NXPE2: variants seen among roughly 807,000 people sequenced by gnomAD.
NXPE2 encodes the protein NXPE family member 2.
NXPE2 carries 34 observed loss-of-function variants against 34.4 expected under a neutral mutation model. The observed-to-expected ratio is 0.99, with a 90% CI of 0.75 to 1.31. NXPE2 has a LOEUF of 1.31. Ranked by LOEUF, NXPE2 falls within the 40% of genes most tolerant of loss-of-function variation. The probability of loss-of-function intolerance (pLI) is 0.00; values close to 1 mark genes in which losing one functional copy is unlikely to be tolerated. For synonymous variants in NXPE2, 235 were observed against 231.3 expected (o/e 1.02, Z -0.15); for missense variants, 649 against 672.5 (o/e 0.97, Z 0.39).
chr11:114,479,983 T>C, the NXPE2 span, among the ~76,000 whole-genome samples: 1 of 152,094 alleles, frequency 6.6e-6, no homozygotes, highest in Non-Finnish European at 1.5e-5. Flanking sequence ...GACATCAGGC[T>C]TTTTAAAATA....
chr11:114,620,361 T>C, the NXPE2 span, among the ~76,000 whole-genome samples: 1 of 151,166 alleles, frequency 6.6e-6, no homozygotes, highest in African/African-American at 2.4e-5. Context: ...CTGTTACCGG[T>C]GGAAAATAAG....
intron 2 of NXPE2, among the ~76,000 whole-genome samples, chr11:114,695,950 G>A (rs568191540): frequency 2.6e-5 from 4 of 151,940 alleles, no homozygotes; most frequent in South Asian, 2.1e-4. Context: ...CCCGGGAGGC[G>A]GAGGTTGCAG....
At chr11:114,505,831 C>G in the NXPE2 span, among the ~76,000 whole-genome samples, 1 of 152,084 alleles carries the variant, frequency 6.6e-6, no homozygotes, top group East Asian at 1.9e-4. Context: ...GTGAAATAAC[C>G]AGCCAACATC....
chr11:114,502,530 T>C, the NXPE2 span, among the ~76,000 whole-genome samples: 4 of 152,216 alleles, frequency 2.6e-5, no homozygotes, highest in South Asian at 8.3e-4. Context: ...TGAGACTTTA[T>C]AATATTACTG....
rs1263507663 is a variant in NXPE2 at position 114,678,597 on chromosome 11, C to T, written c.22C>T (p.His8Tyr). Residue 8 changes from histidine to tyrosine, a missense_variant, in exon 1 of 6, where the codon CAT becomes TAT. Coordinates refer to ENST00000389586, the MANE Select transcript of NXPE2 (RefSeq NM_182495.6). MVEKILI[H>Y]RILTLFPNAI... is the part of the protein sequence containing the mutation. ...GAAGATGGTGGAGAAAATACTCATC[C>T]ATAGGTGTGGTACTTTCCAACTCTT... The T allele has an allele frequency of 1.9e-6, 3 of 1,548,536 alleles. No individual in the cohort carries two copies. Among genetic ancestry groups the T allele is most frequent in the East Asian group, 2.4e-5 (1 of 41,032 alleles).
At chr11:114,535,653 C>CT in the NXPE2 span, among the ~76,000 whole-genome samples, 1 of 152,006 alleles carries the variant, frequency 6.6e-6, no homozygotes, top group African/African-American at 2.4e-5. Flanking sequence ...ATAAAACAGA[C>CT]TTAAACCAAC....
chr11:114,807,856 A>G, the NXPE2 span, among the ~76,000 whole-genome samples: 11 of 152,146 alleles, frequency 7.2e-5, 1 homozygote. Flanking sequence ...ATAGACATCT[A>G]CAGACCTCTC....
the NXPE2 span, among the ~76,000 whole-genome samples, chr11:114,773,353 G>A: frequency 2.9e-5 from 4 of 139,462 alleles, no homozygotes; most frequent in Non-Finnish European, 4.5e-5. Flanking sequence ...AACTCAAACA[G>A]CTGTGTCTTT....
At chr11:114,767,816 C>T in the NXPE2 span, among the ~76,000 whole-genome samples, 2 of 152,112 alleles carry the variant, frequency 1.3e-5, no homozygotes, top group Non-Finnish European at 2.9e-5. Context: ...TCTCCAATGT[C>T]CTCAAAAGCA....
chr11:114,768,363 C>A, the NXPE2 span, among the ~76,000 whole-genome samples: 1 of 152,032 alleles, frequency 6.6e-6, no homozygotes, highest in African/African-American at 2.4e-5. Flanking sequence ...CAGCTTTGTT[C>A]TTTTTGTTTA....
chr11:114,689,299 T>A (rs1487257610), intron 2 of NXPE2, among the ~76,000 whole-genome samples: 1 of 152,086 alleles, frequency 6.6e-6, no homozygotes, highest in Non-Finnish European at 1.5e-5. Context: ...TATTTTCATT[T>A]GTTTCAATTT....
intron 2 of NXPE2, among the ~76,000 whole-genome samples, chr11:114,688,962 G>T (rs193286291): frequency 6.6e-6 from 1 of 152,036 alleles, no homozygotes; most frequent in African/African-American, 2.4e-5. Context: ...TTCTGATTGT[G>T]CTTATTTGGA....
chr11:114,737,675 C>G, the NXPE2 span, among the ~76,000 whole-genome samples: 1 of 152,130 alleles, frequency 6.6e-6, no homozygotes, highest in Admixed American at 6.5e-5. Flanking sequence ...GAGCAGTGAA[C>G]TGGGACACAA....
At chr11:114,639,267 G>C in the NXPE2 span, among the ~76,000 whole-genome samples, 5 of 152,030 alleles carry the variant, frequency 3.3e-5, no homozygotes, top group Non-Finnish European at 7.4e-5. Context: ...AGGACCCTCC[G>C]AGCCAGGTGC....
the NXPE2 span, among the ~76,000 whole-genome samples, chr11:114,537,709 G>T: frequency 1.3e-5 from 2 of 151,972 alleles, no homozygotes; most frequent in Non-Finnish European, 2.9e-5. Flanking sequence ...AAATACCTAG[G>T]AATCCAACTT....
the NXPE2 span, among the ~76,000 whole-genome samples, chr11:114,610,972 C>A: frequency 6.6e-6 from 1 of 151,666 alleles, no homozygotes; most frequent in Admixed American, 6.6e-5. Context: ...AGTGTTGCCT[C>A]GTGGGTAACC....
At chr11:114,629,077 G>A in the NXPE2 span, among the ~76,000 whole-genome samples, 2 of 152,102 alleles carry the variant, frequency 1.3e-5, no homozygotes, top group Non-Finnish European at 2.9e-5. Context: ...ATTCACAGTC[G>A]AATTCTACCA....
chr11:114,500,922 T>G, the NXPE2 span, among the ~76,000 whole-genome samples: 1 of 152,172 alleles, frequency 6.6e-6, no homozygotes, highest in Non-Finnish European at 1.5e-5. Context: ...GAAAATCAGT[T>G]GAGTGTGTTT....
At chr11:114,506,115 A>T in the NXPE2 span, among the ~76,000 whole-genome samples, 1 of 48,602 alleles carries the variant, frequency 2.1e-5, no homozygotes, top group African/African-American at 1.3e-4. Context: ...GAAATATTAA[A>T]AAAAAAAAAA....
Sources: gnomAD v4.1 joint callset for allele counts (sites outside exome capture counted in the v4.1 genomes callset) on GRCh38, gnomAD v4.1.1 for gene constraint, MANE v1.5 for transcripts, NCBI Gene and HGNC (gene_info 2026-07-23, HGNC 2026-07-21) for gene names.